The following UNC5C variants were observed in gnomAD, a reference collection of about 807,000 sequenced individuals.
UNC5C encodes netrin receptor UNC5C.
In UNC5C, 47 loss-of-function variants were observed where a neutral mutation model predicts 99.8. That is an observed-to-expected ratio of 0.47 (90% CI 0.37 to 0.60). The LOEUF (loss-of-function observed/expected upper bound fraction) is 0.60, where lower values mean the gene tolerates loss of function less well. Ranked by LOEUF, UNC5C falls within the 20% of genes least tolerant of loss-of-function variation. The pLI is 0.00. For synonymous variants in UNC5C, 487 were observed against 452.2 expected (o/e 1.08, Z -0.98); for missense variants, 1,062 against 1,165.9 (o/e 0.91, Z 1.30).
At chr4:95,342,596 T>A (rs1231032207) in intron 1 of UNC5C, among the ~76,000 whole-genome samples, 2 of 151,630 alleles carry the variant, frequency 1.3e-5, no homozygotes, top group Non-Finnish European at 2.9e-5. Flanking sequence ...CATTCCCAGC[T>A]GTAGTGAGAA....
intron 2 of UNC5C, 24 bp downstream of exon 2, chr4:95,335,386 A>G (rs1337688506): frequency 1.9e-6 from 3 of 1,590,064 alleles, no homozygotes; most frequent in Non-Finnish European, 1.7e-6. Context: ...TTGAAGTGCA[A>G]TGCAAATGCA....
intron 1 of UNC5C, among the ~76,000 whole-genome samples, chr4:95,474,263 T>C (rs1429234704): frequency 6.6e-6 from 1 of 151,980 alleles, no homozygotes; most frequent in African/African-American, 2.4e-5. Flanking sequence ...CACACGTGTG[T>C]GAGTTTTATT....
intron 1 of UNC5C, among the ~76,000 whole-genome samples, chr4:95,348,905 G>A (rs1343428089): frequency 6.6e-5 from 9 of 137,368 alleles, no homozygotes; most frequent in African/African-American, 2.4e-4. Context: ...ATTTGTGGGA[G>A]CTAAAAAGTA....
At position 95,548,803 on chromosome 4, in the gene UNC5C, A is replaced by G. The variant is rs139011886; in HGVS notation, c.55T>C (p.Leu19=). 8.6e-5 allele frequency: 139 copies of G among 1,613,372 alleles called. No individual in the cohort carries two copies. The highest frequency in any genetic ancestry group is 1.1e-4 in the Non-Finnish European group (130 of 1,179,940). ...GCAGGTAGCACGAGCATTTGCAGCA[A>G]GTATCCCAGTCCCAGTCCGCAGCGG... ...AARCGLGLGY[L]LQMLVLPALA... is the part of the protein sequence containing the mutation. The change falls in exon 1 of 16, where the codon TTG becomes CTG. Residue 19 remains leucine (L), a synonymous_variant. Coordinates refer to ENST00000453304, the MANE Select transcript of UNC5C (RefSeq NM_003728.4).
At chr4:95,449,291 G>A (rs1434823427) in intron 1 of UNC5C, among the ~76,000 whole-genome samples, 1 of 152,038 alleles carries the variant, frequency 6.6e-6, no homozygotes, top group Non-Finnish European at 1.5e-5. Flanking sequence ...GCAATGAGAG[G>A]GCCATTGCCT....
chr4:95,409,014 T>C (rs778620197), intron 1 of UNC5C, among the ~76,000 whole-genome samples: 13 of 152,320 alleles, frequency 8.5e-5, no homozygotes, highest in Non-Finnish European at 7.4e-5. Flanking sequence ...GCAGGTGAAG[T>C]ACACAGTTTG....
At chr4:95,283,526 C>A (rs923026589) in intron 3 of UNC5C, among the ~76,000 whole-genome samples, 3 of 152,118 alleles carry the variant, frequency 2.0e-5, no homozygotes, top group African/African-American at 7.2e-5. Context: ...CGCTACTCTG[C>A]GAAGGGAGGG....
chr4:95,368,297 G>GAAA (rs71583699), intron 1 of UNC5C, among the ~76,000 whole-genome samples: 52,588 of 133,356 alleles, frequency 0.39, 10,145 homozygotes, highest in African/African-American at 0.46. Flanking sequence ...CATCTTTTTT[G>GAAA]AAAAAAAAAA....
intron 4 of UNC5C, among the ~76,000 whole-genome samples, chr4:95,267,563 T>G (rs1740494099): frequency 6.6e-6 from 1 of 152,226 alleles, no homozygotes; most frequent in Non-Finnish European, 1.5e-5. Context: ...ATGTGAGCCA[T>G]AGTCGGCAGA....
At chr4:95,198,952 G>T (rs1003300292) in intron 12 of UNC5C, among the ~76,000 whole-genome samples, 1 of 152,140 alleles carries the variant, frequency 6.6e-6, no homozygotes, top group Admixed American at 6.6e-5. Flanking sequence ...AACCCAGGGA[G>T]TATTAAGAAA....
intron 2 of UNC5C, among the ~76,000 whole-genome samples, chr4:95,333,774 T>C (rs1439265926): frequency 6.6e-6 from 1 of 152,138 alleles, no homozygotes; most frequent in African/African-American, 2.4e-5. Flanking sequence ...TATAGGCATG[T>C]CATTATTTTA....
intron 12 of UNC5C, among the ~76,000 whole-genome samples, chr4:95,201,850 C>T (rs1019096480): frequency 5.3e-5 from 8 of 152,250 alleles, no homozygotes; most frequent in South Asian, 2.1e-4. Context: ...GTGATCCACC[C>T]GCCTTAGCCT....
chr4:95,304,755 T>C (rs1414367304), intron 2 of UNC5C, among the ~76,000 whole-genome samples: 1 of 152,210 alleles, frequency 6.6e-6, no homozygotes, highest in Non-Finnish European at 1.5e-5. Flanking sequence ...AGAACTATAA[T>C]GGTTCTTTAT....
chr4:95,315,909 T>C (rs1157936254), intron 2 of UNC5C, among the ~76,000 whole-genome samples: 2 of 152,216 alleles, frequency 1.3e-5, no homozygotes, highest in African/African-American at 4.8e-5. Context: ...TGCATTTGTA[T>C]GCATATTATT....
In UNC5C at chr4:95,210,288, A is replaced by G. The variant is rs116038225; in HGVS notation, c.1734-3492T>C. Among the ~76,000 whole-genome samples the G allele has an allele frequency of 6.8e-3, 1,038 of 152,348 alleles. 15 individuals are homozygous for G. Among genetic ancestry groups the G allele is most frequent in the African/African-American group, 0.024 (984 of 41,578 alleles). On this transcript the variant is annotated intron_variant, in intron 10 of 15. Coordinates refer to ENST00000453304, the MANE Select transcript of UNC5C (RefSeq NM_003728.4). ...GGGAAGTGGTGAAGTGGAATTCTTAACAGGGAATGAAAAACAAAGAAGAAA... is the reference window on the plus strand; with the variant it reads ...GGGAAGTGGTGAAGTGGAATTCTTAGCAGGGAATGAAAAACAAAGAAGAAA...
intron 7 of UNC5C, among the ~76,000 whole-genome samples, chr4:95,220,938 T>G (rs2149368647): frequency 6.6e-6 from 1 of 152,268 alleles, no homozygotes; most frequent in Admixed American, 6.5e-5. Context: ...TCTTGTGCAC[T>G]AAGGAAGACA....
intron 1 of UNC5C, among the ~76,000 whole-genome samples, chr4:95,491,819 G>A (rs746620011): frequency 1.3e-4 from 20 of 151,530 alleles, no homozygotes; most frequent in Non-Finnish European, 2.4e-4. Flanking sequence ...TTACTGATTT[G>A]TTCTATTCTC....
At chr4:95,319,544 A>G (rs78158034) in intron 2 of UNC5C, among the ~76,000 whole-genome samples, 2,942 of 152,242 alleles carry the variant, frequency 0.019, 37 homozygotes, top group Non-Finnish European at 0.031. Flanking sequence ...CTCATGTTAC[A>G]TGGGCTGGTT....
chr4:95,433,373 A>T (rs531098355), intron 1 of UNC5C, among the ~76,000 whole-genome samples: 6 of 152,198 alleles, frequency 3.9e-5, no homozygotes, highest in Admixed American at 3.9e-4. Context: ...GGGTTTTGGG[A>T]TTTTGTATGA....
Sources: allele counts gnomAD v4.1 joint callset (sites outside exome capture counted in the v4.1 genomes callset), GRCh38; gene constraint gnomAD v4.1.1; transcripts MANE v1.5; gene names NCBI Gene and HGNC (gene_info 2026-07-23, HGNC 2026-07-21).